Variants in NAV1 observed in about 807,000 individuals in gnomAD.
NAV1 encodes neuron navigator 1.
Under a neutral mutation model 175.2 loss-of-function variants are expected in NAV1, and 18 were observed. The observed-to-expected ratio is 0.10, with a 90% confidence interval of 0.07 to 0.15. The LOEUF is 0.15. NAV1 is among the 10% of genes least tolerant of loss of function. NAV1 has a pLI of 1.00. For synonymous variants in NAV1, 897 were observed against 978.7 expected (o/e 0.92, Z 1.56); for missense variants, 1,731 against 2,436.6 (o/e 0.71, Z 6.10).
intron 3 of NAV1, among the ~76,000 whole-genome samples, chr1:201,760,078 A>G (rs1571464880): frequency 6.6e-6 from 1 of 152,244 alleles, no homozygotes; most frequent in East Asian, 1.9e-4. Flanking sequence ...AAAGAGTTAC[A>G]AAAGTTACTG....
chr1:201,613,534 C>T (rs1667913307), intron 2 of NAV1, among the ~76,000 whole-genome samples: 1 of 152,122 alleles, frequency 6.6e-6, no homozygotes, highest in African/African-American at 2.4e-5. Context: ...TTATTATGGA[C>T]CAGGAACTGT....
chr1:201,808,680 T>G lies in NAV1; in HGVS notation c.4039-23T>G. 6.2e-7 allele frequency: 1 copy of G among 1,614,252 alleles called. No individual in the cohort carries two copies. The highest frequency in any genetic ancestry group is 8.5e-7 in the Non-Finnish European group (1 of 1,180,044). The stretch of plus-strand genomic sequence containing the variant: ...TTGCTGTCTGTCCAGTCTGCCACCC[T>G]ACCCTGTCTGTTCTTGCCACAGTTG... On this transcript the variant is annotated intron_variant, in intron 19 of 29. Transcript: ENST00000367296. This position sits in a 1 kb window ranked among gnomAD's most constrained non-coding sequence, Gnocchi z 5.5.
rs1411026844 is a variant in NAV1 at position 201,740,036 on chromosome 1, C to A, written c.1226+21281C>A. On this transcript the variant is annotated intron_variant, in intron 3 of 29. Transcript: ENST00000367296. This position sits in a 1 kb window ranked among gnomAD's most constrained non-coding sequence, Gnocchi z 4.7. ...TGAGCCGGGGAAGATGCTTCATCTG[C>A]CCCTGCCCAGATCCGGAAGAACGGT... 21 of 1,498,144 alleles carry A rather than the reference C, an allele frequency of 1.4e-5. No homozygotes were observed. In the Middle Eastern group the frequency reaches 2.2e-3, roughly 160 times the overall value. 92.8% of individuals were successfully genotyped at this position (1,498,144 alleles called of 1,614,324 possible).
Position 201,785,367 on chromosome 1 carries a change from G to A in NAV1, c.2846+16G>A. On this transcript the variant is annotated intron_variant, in intron 8 of 29. Transcript: ENST00000367296. ...AAGGGCTCAGGTAACCCTTTAATGT[G>A]TTTTTTCTTCCCTATAAATGGGACT... 5.0e-6 allele frequency: 8 copies of A among 1,608,166 alleles called. No homozygotes were observed. Among genetic ancestry groups the A allele is most frequent in the Non-Finnish European group, 6.8e-6 (8 of 1,177,710 alleles).
intron 1 of NAV1, among the ~76,000 whole-genome samples, chr1:201,651,173 GGGACTTGGCGA>G (rs1669192212): frequency 6.8e-6 from 1 of 146,732 alleles, no homozygotes. Context: ...GACTGAGAGA[GGGACTTGGCGA>G]GGGAGGGCAA....
intron 1 of NAV1, among the ~76,000 whole-genome samples, chr1:201,703,763 C>T (rs1671545012): frequency 6.6e-6 from 1 of 152,158 alleles, no homozygotes; most frequent in Admixed American, 6.5e-5. Flanking sequence ...TAGCCATCCG[C>T]GTGGGGCTGC....
At chr1:201,643,297 TTC>T (rs1471483333), upstream of NAV1, among the ~76,000 whole-genome samples, 7 of 148,498 alleles carry the variant, frequency 4.7e-5, no homozygotes, top group East Asian at 2.0e-4. Context: ...CTTCCCTTCC[TTC>T]TCTTTCTTTT....
intron 3 of NAV1, among the ~76,000 whole-genome samples, chr1:201,762,685 A>G (rs1421318313): frequency 2.6e-5 from 4 of 152,222 alleles, no homozygotes; most frequent in Non-Finnish European, 5.9e-5. Context: ...TATCTGGCCA[A>G]CCCCTACTCT....
intron 1 of NAV1, among the ~76,000 whole-genome samples, chr1:201,704,275 G>A (rs1176290713): frequency 1.3e-5 from 2 of 152,218 alleles, no homozygotes; most frequent in Non-Finnish European, 2.9e-5. Context: ...GGAGACTGAG[G>A]GAGAGAGACC....
chr1:201,810,070 G>A lies in NAV1; in HGVS notation c.4526G>A (p.Arg1509His), dbSNP rs201416032. The stretch of plus-strand genomic sequence containing the variant: ...GAGCCCCCCGAGATGCCTCCTTGCC[G>A]TCGAGGTGTCAATAACATATCAGTC... Residue 1509 changes from arginine to histidine, a missense_variant, in exon 23 of 30, where the codon CGT (arginine) becomes CAT (histidine). Physicochemically the swap from Arg to His is conservative, Grantham distance 29. Around this residue, in one of 13 missense-constraint regions of NAV1, gnomAD observed 36 missense variants for 45.3 expected, o/e 0.80. Transcript: ENST00000367296. The surrounding 1 kb of genome is among the most constrained non-coding windows in gnomAD (Gnocchi z 6.0). 1.2e-5 allele frequency: 19 copies of A among 1,613,532 alleles called. No individual in the cohort carries two copies. Among genetic ancestry groups the A allele is most frequent in the South Asian group, 8.8e-5 (8 of 91,028 alleles).
At chr1:201,704,261 A>G (rs889356741) in intron 1 of NAV1, among the ~76,000 whole-genome samples, 9 of 152,222 alleles carry the variant, frequency 5.9e-5, no homozygotes, top group African/African-American at 2.2e-4. Context: ...AGCTGTGCTA[A>G]GCAGGAGACT....
rs527440330 is a variant in NAV1, at chr1:201,586,824, G to A, written c.-143-1715G>A. Among the ~76,000 whole-genome samples the A allele has an allele frequency of 1.9e-3, 296 of 152,302 alleles. 2 individuals carry two copies. The highest frequency in any genetic ancestry group is 6.0e-3 in the African/African-American group (250 of 41,544). ...CAAATATAACCACACTATAGGTTAT[G>A]TGGGTTAGACCTTCAAAACACAAAT... On this transcript the variant is annotated intron_variant, in intron 1 of 33. Coordinates refer to the NAV1 transcript ENST00000685211.
Position 201,642,576 on chromosome 1 carries a change from TTC to T in NAV1, c.5-6054_5-6053del, listed in dbSNP as rs1242713810. Among the ~76,000 whole-genome samples the T allele has an allele frequency of 5.7e-5, 8 of 139,234 alleles. No homozygotes were observed. The East Asian group carries it at 1.1e-3, about 18-fold the overall frequency. The allele number at this position is 139,234 out of a possible 152,430, so 91.3% of individuals were successfully genotyped here. The stretch of plus-strand genomic sequence containing the variant: ...TTCTTTTTTCCCTTTCTTCCCTTCC[TTC>T]TCTTTCTTTCTTCCTTCCTCCTTTC... On this transcript the variant is annotated intron_variant, in intron 2 of 29. Coordinates refer to the NAV1 transcript ENST00000367302.
Position 201,789,869 on chromosome 1 carries a change from T to A in NAV1, c.3219+77T>A, listed in dbSNP as rs1420638475. The A allele has an allele frequency of 6.4e-6, 9 of 1,408,184 alleles. No homozygotes were observed. In the East Asian group the frequency reaches 2.0e-4, roughly 32 times the overall value. 87.2% of individuals were successfully genotyped at this position (1,408,184 alleles called of 1,614,324 possible). A position where few individuals can be genotyped will look rare whatever the true frequency, so the allele number is the denominator to read the frequency against. ...ATGCTCCCTAGAACCTCCTTGGAGT[T>A]GGGTAACTGGGCGGGGGATGGGGGC... On this transcript the variant is annotated intron_variant, in intron 11 of 29. Coordinates refer to ENST00000367296, the Ensembl canonical transcript of NAV1.
upstream of NAV1, among the ~76,000 whole-genome samples, chr1:201,621,332 C>CTTTTTTT (rs11422175): frequency 1.7e-5 from 2 of 118,896 alleles, no homozygotes; most frequent in African/African-American, 6.5e-5. Context: ...TCTTTTCTTT[C>CTTTTTTT]TTTTTTTTTT....
At chr1:201,784,926 G>A (rs1036104270) in intron 7 of NAV1, among the ~76,000 whole-genome samples, 2 of 151,906 alleles carry the variant, frequency 1.3e-5, no homozygotes, top group Non-Finnish European at 2.9e-5. Context: ...CCACCACTGC[G>A]TCTGGCTAAT....
At position 201,788,785 on chromosome 1, in the gene NAV1, T is replaced by G; in HGVS notation, c.3166+147T>G. On this transcript the variant is annotated intron_variant, in intron 10 of 29. Transcript: ENST00000367296. The surrounding 1 kb of genome is among the most constrained non-coding windows in gnomAD (Gnocchi z 5.7). The stretch of plus-strand genomic sequence containing the variant: ...GGGCCATTTCAGTTTTTTCTCCCCA[T>G]CCCTTTGAAGGGTCTGGGGACCCAG... The G allele has an allele frequency of 1.0e-6, 1 of 975,512 alleles. No homozygotes were observed. Among genetic ancestry groups the G allele is most frequent in the Non-Finnish European group, 1.5e-6 (1 of 675,804 alleles). 60.4% of individuals were successfully genotyped at this position (975,512 alleles called of 1,614,324 possible).
At chr1:201,583,247 A>G (rs957176736) in intron 1 of NAV1, among the ~76,000 whole-genome samples, 4 of 152,246 alleles carry the variant, frequency 2.6e-5, no homozygotes, top group Non-Finnish European at 5.9e-5. Context: ...TTGGTATAAT[A>G]GCCCTGATCG....
intron 1 of NAV1, among the ~76,000 whole-genome samples, chr1:201,686,682 C>T (rs896205611): frequency 6.6e-6 from 1 of 152,222 alleles, no homozygotes; most frequent in Admixed American, 6.5e-5. Flanking sequence ...TCCATAGTTT[C>T]TGTAGGCAGG....
Sources: allele counts gnomAD v4.1 joint callset (sites outside exome capture counted in the v4.1 genomes callset), GRCh38; gene constraint gnomAD v4.1.1; regional missense constraint gnomAD v4.1.1; non-coding constraint Gnocchi (gnomAD v3.1); transcripts MANE v1.5; gene names NCBI Gene and HGNC (gene_info 2026-07-23, HGNC 2026-07-21).